PLXNB3: variants seen among roughly 807,000 people sequenced by gnomAD.
The protein encoded by PLXNB3 is plexin B3, also known as plexin-B3.
A neutral mutation model predicts 125.7 loss-of-function variants in PLXNB3; 80 were observed. That is an observed-to-expected ratio of 0.64 (90% CI 0.53 to 0.77). The LOEUF is 0.77. PLXNB3 is among the 30% of genes least tolerant of loss of function. The probability of loss-of-function intolerance (pLI) is 0.00; values close to 1 mark genes in which losing one functional copy is unlikely to be tolerated. For missense variants in PLXNB3, 1,836 were observed against 1,729.3 expected (o/e 1.06, Z -1.09); for synonymous variants, 954 against 783.3 (o/e 1.22, Z -3.64).
intron 2 of PLXNB3, 175 bp from the exon 3 acceptor site, chrX:153,766,694 CCTCT>C (rs1569541648): frequency 2.7e-6 from 2 of 730,139 alleles, no homozygotes. Flanking sequence ...CTTATGTCCC[CCTCT>C]CTCTGTGCCC....
At chrX:153,765,978 C>T in intron 2 of PLXNB3, 1 of 753,926 alleles carries the variant, frequency 1.3e-6, no homozygotes, top group African/African-American at 2.3e-5. Flanking sequence ...CTCCCTGCCC[C>T]TTCCCTGACC....
In PLXNB3 at chrX:153,774,508, CAGG is replaced by C; in HGVS notation, c.3768_3770del (p.Gly1257del). On this transcript the variant is annotated inframe_deletion, in exon 22 of 36. Transcript: ENST00000361971. Reference sequence around the variant, plus strand: ...TCTGCCTTTCCCGTGGAGGCCCAGGCAGGCGTGGGCATGGGTGCTGCAGTGCTG... The same window carrying C: ...TCTGCCTTTCCCGTGGAGGCCCAGGCCGTGGGCATGGGTGCTGCAGTGCTG... 8.3e-7 allele frequency: 1 copy of C among 1,208,090 alleles called. No individual in the cohort carries two copies. The highest frequency in any genetic ancestry group is 1.1e-6 in the Non-Finnish European group (1 of 894,032).
At position 153,770,249 on chromosome X, in the gene PLXNB3, G is replaced by C; in HGVS notation, c.1786+1G>C. ...GTGCCACTTAACCCTCCAGGCACAG[G>C]TGAGTGGCCCATGGGGTAGGGGGCT... is the stretch of plus-strand genomic sequence containing the variant. On this transcript the variant is annotated splice_donor_variant, in intron 8 of 35. Coordinates refer to ENST00000361971, the MANE Select transcript of PLXNB3 (RefSeq NM_005393.3). LOFTEE classifies it high-confidence loss of function. 1 of 1,210,607 alleles carries C rather than the reference G, an allele frequency of 8.3e-7. No homozygotes were observed. The highest frequency in any genetic ancestry group is 1.1e-6 in the Non-Finnish European group (1 of 895,186).
intron 3 of PLXNB3, 57 bp from the exon 4 acceptor site, chrX:153,768,192 C>A: frequency 9.2e-7 from 1 of 1,090,220 alleles, no homozygotes; most frequent in Non-Finnish European, 1.2e-6. Flanking sequence ...TGGGTACCCC[C>A]CCTGACTGCC....
rs782565251 is a variant in PLXNB3, at chrX:153,767,739, C to T, written c.912C>T (p.Ala304=). Residue 304 remains alanine, a synonymous_variant, in exon 3 of 36, where the codon GCC becomes GCT. Transcript: ENST00000361971. ...CGGGCACCTTGCTAGGGGTGTTTGC[C>T]GCGGGCCCAAGGGGCACCCAGGCGG... ...LAPGTLLGVF[A]AGPRGTQAAL... is the part of the protein sequence containing the mutation. 39 of 1,172,180 alleles carry T rather than the reference C, an allele frequency of 3.3e-5. No individual in the cohort carries two copies. The highest frequency in any genetic ancestry group is 2.6e-5 in the Non-Finnish European group (23 of 876,016).
intron 3 of PLXNB3, 33 bp downstream of exon 3, chrX:153,767,946 G>A (rs1486106202): frequency 4.6e-6 from 5 of 1,076,450 alleles, no homozygotes; most frequent in African/African-American, 1.9e-5. Flanking sequence ...CCCCCTCTCT[G>A]TGGATGGCTG....
At position 153,777,617 on chromosome X, in the gene PLXNB3, C is replaced by T. The variant is rs1428219813; in HGVS notation, c.5190C>T (p.Asp1730=). ...PIPIAVKYLF[D]LLDELAEKHG... is the part of the protein sequence containing the mutation. Reference sequence around the variant, plus strand: ...CCATCGCCGTCAAGTACCTGTTTGACCTTCTGGATGAGCTAGCAGAGAAGC... The same window carrying T: ...CCATCGCCGTCAAGTACCTGTTTGATCTTCTGGATGAGCTAGCAGAGAAGC... Residue 1730 remains aspartate, a synonymous_variant, in exon 31 of 36, where the codon GAC becomes GAT. Coordinates refer to ENST00000361971, the MANE Select transcript of PLXNB3 (RefSeq NM_005393.3). 5 of 1,210,588 alleles carry T rather than the reference C, an allele frequency of 4.1e-6. No individual in the cohort carries two copies. In the African/African-American group the frequency reaches 7.0e-5, roughly 17 times the overall value.
chrX:153,772,636 T>C, intron 16 of PLXNB3: 2 of 924,018 alleles, frequency 2.2e-6, no homozygotes, highest in Non-Finnish European at 2.8e-6. Context: ...GAGGAGGCTG[T>C]CCCAAGGGGG....
chrX:153,777,957 G>A lies in PLXNB3; in HGVS notation c.5271G>A (p.Leu1757=). The change falls in exon 32 of 36, where the codon CTG becomes CTA. Residue 1757 remains leucine (L), a synonymous_variant. Coordinates refer to ENST00000361971, the MANE Select transcript of PLXNB3 (RefSeq NM_005393.3). ...LHIWKTNSLL[L]RFWVNALKNP... ...TGCCCTGCGCCCCCAGTCTGCTGCTGCGGTTCTGGGTGAATGCCTTGAAGA... is the reference window on the plus strand; with the variant it reads ...TGCCCTGCGCCCCCAGTCTGCTGCTACGGTTCTGGGTGAATGCCTTGAAGA... The A allele has an allele frequency of 1.7e-6, 2 of 1,208,023 alleles. No homozygotes were observed. Among genetic ancestry groups the A allele is most frequent in the South Asian group, 3.5e-5 (2 of 56,471 alleles).
chrX:153,766,035 C>G (rs1458677202), intron 2 of PLXNB3: 3 of 1,053,173 alleles, frequency 2.8e-6, no homozygotes, highest in Non-Finnish European at 3.6e-6. Context: ...TGGGACACTC[C>G]TACACTGAGG....
chrX:153,771,363 G>C lies in PLXNB3; in HGVS notation c.2307G>C (p.Gln769His), dbSNP rs1557061795. The C allele has an allele frequency of 4.0e-5, 48 of 1,209,680 alleles. No individual in the cohort carries two copies. The highest frequency in any genetic ancestry group is 5.4e-5 in the Non-Finnish European group (48 of 894,627). ...TCCCAGTGCCCATCTACGTCACCCAGGGTGAAGCCCAGAGGCTGGACAACA... is the reference window on the plus strand; with the variant it reads ...TCCCAGTGCCCATCTACGTCACCCACGGTGAAGCCCAGAGGCTGGACAACA... ...RELPVPIYVTQGEAQRLDNTH... is the reference protein window; with the variant it reads ...RELPVPIYVTHGEAQRLDNTH... The change falls in exon 13 of 36, where the codon CAG (glutamine) becomes CAC (histidine). Residue 769 changes from glutamine to histidine, a missense_variant. Gln to His is a conservative substitution (Grantham distance 24). Coordinates refer to ENST00000361971, the MANE Select transcript of PLXNB3 (RefSeq NM_005393.3).
At chrX:153,778,355 G>A (rs782500029) in intron 33 of PLXNB3, 30 bp downstream of exon 33, 1 of 1,207,831 alleles carries the variant, frequency 8.3e-7, no homozygotes, top group African/African-American at 1.7e-5. Flanking sequence ...GGGCTGCGGG[G>A]AAGGGGGCTG....
At position 153,774,042 on chromosome X, in the gene PLXNB3, C is replaced by G. The variant is rs782469872; in HGVS notation, c.3463C>G (p.Arg1155Gly). 1.7e-6 allele frequency: 2 copies of G among 1,192,823 alleles called. No homozygotes were observed. The highest frequency in any genetic ancestry group is 3.7e-5 in the South Asian group (2 of 54,403). The change falls in exon 20 of 36, where the codon CGC (arginine) becomes GGC (glycine). Residue 1155 changes from arginine to glycine, a missense_variant. By Grantham distance (125) the Arg-to-Gly change is moderately radical. Transcript: ENST00000361971. ...QPNPRLAPLSREGPARPYRLK... is the reference protein window; with the variant it reads ...QPNPRLAPLSGEGPARPYRLK... ...CAACCCCCGCCTGGCACCCCTCAGC[C>G]GCGAGGGGCCTGCCCGCCCCTACCG...
At position 153,773,741 on chromosome X, in the gene PLXNB3, G is replaced by T. The variant is rs782276935; in HGVS notation, c.3279+28G>T. On this transcript the variant is annotated intron_variant, in intron 19 of 35. Coordinates refer to ENST00000361971, the MANE Select transcript of PLXNB3 (RefSeq NM_005393.3). ...GAGCCCCTCACCAGCAGGCGACAAG[G>T]CTGTCCCCGACCATGCCCATGCCCA... The T allele has an allele frequency of 4.3e-6, 5 of 1,172,238 alleles. No individual in the cohort carries two copies. The East Asian group carries it at 1.5e-4, about 35-fold the overall frequency.
chrX:153,765,873 G>A (rs2148410692), intron 2 of PLXNB3: 1 of 754,165 alleles, frequency 1.3e-6, no homozygotes, highest in Middle Eastern at 7.6e-4. Flanking sequence ...AGGGCAGGAG[G>A]GGCCAGAGAA....
chrX:153,777,646 G>C lies in PLXNB3; in HGVS notation c.5219G>C (p.Gly1740Ala). The C allele has an allele frequency of 8.3e-7, 1 of 1,211,780 alleles. No individual in the cohort carries two copies. The highest frequency in any genetic ancestry group is 1.1e-6 in the Non-Finnish European group (1 of 895,389). ...DLLDELAEKHGIEDPGTLHIW... is the reference protein window; with the variant it reads ...DLLDELAEKHAIEDPGTLHIW... ...CTGGATGAGCTAGCAGAGAAGCACG[G>C]CATCGAGGACCCAGGGACCCTGCAC... is the stretch of plus-strand genomic sequence containing the variant. The change falls in exon 31 of 36, where the codon GGC (glycine) becomes GCC (alanine). Residue 1740 changes from glycine to alanine, a missense_variant. By Grantham distance (60) the Gly-to-Ala change is moderately conservative. Transcript: ENST00000361971.
In PLXNB3 at chrX:153,774,086, C is replaced by A; in HGVS notation, c.3507C>A (p.Val1169=). ...CCTACCGCCTCAAGCCAGGCCATGT[C>A]CTGGATGTGGAGGTGAGGGCCACCT... The part of the protein sequence containing the change: ...ARPYRLKPGH[V]LDVEGEGLNL... Residue 1169 remains valine (V), a synonymous_variant, in exon 20 of 36, where the codon GTC becomes GTA. Coordinates refer to ENST00000361971, the MANE Select transcript of PLXNB3 (RefSeq NM_005393.3). 1 of 1,191,237 alleles carries A rather than the reference C, an allele frequency of 8.4e-7. No homozygotes were observed. The highest frequency in any genetic ancestry group is 1.1e-6 in the Non-Finnish European group (1 of 885,753).
At chrX:153,766,622 C>T (rs1025344001) in intron 2 of PLXNB3, 70 of 1,058,346 alleles carry the variant, frequency 6.6e-5, no homozygotes, top group Admixed American at 8.7e-5. Context: ...TGTGCTTGTG[C>T]GTGCGTGCAT....
At position 153,767,530 on chromosome X, in the gene PLXNB3, G is replaced by C; in HGVS notation, c.703G>C (p.Val235Leu). Residue 235 changes from valine to leucine, a missense_variant, in exon 3 of 36, where the codon GTC becomes CTC. Transcript: ENST00000361971. ...CTTCTCCGACTACAACAACAGCTAC[G>C]TCGGGGCCTTTGCCGACGCCCGCTC... ...GDFSDYNNSY[V>L]GAFADARSAY... is the part of the protein sequence containing the mutation. The C allele has an allele frequency of 2.5e-6, 3 of 1,177,345 alleles. No homozygotes were observed. Among genetic ancestry groups the C allele is most frequent in the Non-Finnish European group, 3.4e-6 (3 of 878,386 alleles).
Sources: gnomAD v4.1 joint callset for allele counts on GRCh38, gnomAD v4.1.1 for gene constraint, MANE v1.5 for transcripts, NCBI Gene and HGNC (gene_info 2026-07-23, HGNC 2026-07-21) for gene names.